Variants in COQ6 observed in about 807,000 individuals in gnomAD.
COQ6 encodes ubiquinone biosynthesis monooxygenase COQ6, mitochondrial.
In COQ6, 45 loss-of-function variants were observed where a neutral mutation model predicts 55.5. The ratio of observed to expected loss-of-function variants is 0.81; its 90% CI spans 0.64 to 1.04. The LOEUF (loss-of-function observed/expected upper bound fraction) is 1.04. COQ6 is among the 50% of genes least tolerant of loss of function. The probability of loss-of-function intolerance (pLI) is 0.00; values close to 1 mark genes in which losing one functional copy is unlikely to be tolerated. For missense variants in COQ6, 550 were observed against 601.3 expected (o/e 0.91, Z 0.89); for synonymous variants, 206 against 230.5 (o/e 0.89, Z 0.96).
At chr14:73,954,500 T>C (rs995926688) in intron 2 of COQ6, among the ~76,000 whole-genome samples, 1 of 152,110 alleles carries the variant, frequency 6.6e-6, no homozygotes, top group Admixed American at 6.6e-5. Flanking sequence ...TTTTTAAAAA[T>C]TGTCTTTACG....
intron 11 of COQ6, among the ~76,000 whole-genome samples, chr14:73,962,394 G>A (rs2056784755): frequency 6.6e-6 from 1 of 152,170 alleles, no homozygotes. Flanking sequence ...TGTATAAAAA[G>A]GGCTTAAAAA....
At chr14:73,953,813 C>T (rs1283938457) in intron 2 of COQ6, 2 of 582,912 alleles carry the variant, frequency 3.4e-6, no homozygotes, top group Non-Finnish European at 6.1e-6. Flanking sequence ...ATGTTGACTT[C>T]ACTTGTGATG....
chr14:73,958,371 A>C lies in COQ6; in HGVS notation c.612+94A>C, dbSNP rs764525253. ...TGGTTTTCGATTTAAGCTATAGTTT[A>C]ATTTTAGGCAAAACTTTTGGTTATG... On this transcript the variant is annotated intron_variant, in intron 5 of 11. Transcript: ENST00000334571. 3 of 1,591,412 alleles carry C rather than the reference A, an allele frequency of 1.9e-6. No homozygotes were observed. In the South Asian group the frequency reaches 3.4e-5, roughly 18 times the overall value.
At chr14:73,951,893 G>A (rs540004834) in intron 1 of COQ6, among the ~76,000 whole-genome samples, 1 of 145,348 alleles carries the variant, frequency 6.9e-6, no homozygotes, top group Non-Finnish European at 1.5e-5. Context: ...CAGGAGAATC[G>A]CTTGAAACTG....
At chr14:73,951,850 G>A (rs1166314202) in intron 1 of COQ6, among the ~76,000 whole-genome samples, 1 of 150,850 alleles carries the variant, frequency 6.6e-6, no homozygotes, top group Non-Finnish European at 1.5e-5. Flanking sequence ...TTCTGTAACA[G>A]GGTGGTTCTC....
chr14:73,957,163 TCTC>T (rs2056477518), intron 4 of COQ6, among the ~76,000 whole-genome samples: 1 of 151,874 alleles, frequency 6.6e-6, no homozygotes, highest in South Asian at 2.1e-4. Context: ...AGTGGCACAG[TCTC>T]GGCTCACTGC....
intron 4 of COQ6, chr14:73,956,785 A>C (rs1207496732): frequency 6.6e-6 from 1 of 152,186 alleles, no homozygotes; most frequent in Non-Finnish European, 1.5e-5. Context: ...AAATATCTTA[A>C]TGTTCTAGAG....
intron 3 of COQ6, 81 bp from the exon 4 acceptor site, chr14:73,955,724 A>C (rs2056401309): frequency 6.3e-7 from 1 of 1,598,342 alleles, no homozygotes; most frequent in South Asian, 1.1e-5. Context: ...CTGCTCTGTC[A>C]CTTGGGAAAG....
At chr14:73,953,291 T>C (rs2056270933) in intron 1 of COQ6, 144 bp from the exon 2 acceptor site, 3 of 764,588 alleles carry the variant, frequency 3.9e-6, no homozygotes, top group Non-Finnish European at 6.7e-6. Flanking sequence ...TGTTATTGCT[T>C]AGGACTCTGC....
At chr14:73,960,918 G>A (rs758255624) in intron 8 of COQ6, 6 of 578,606 alleles carry the variant, frequency 1.0e-5, no homozygotes, top group Non-Finnish European at 1.6e-5. Context: ...GTTATTGAGG[G>A]TGGGGACTAG....
intron 8 of COQ6, chr14:73,960,664 T>G (rs1170204911): frequency 5.5e-5 from 51 of 931,464 alleles, no homozygotes; most frequent in Non-Finnish European, 6.5e-5. Context: ...TTTCAGGAAG[T>G]TCATAGTCAA....
At chr14:73,958,364 A>G in intron 5 of COQ6, 87 bp downstream of exon 5, 1 of 1,599,148 alleles carries the variant, frequency 6.3e-7, no homozygotes, top group Non-Finnish European at 8.5e-7. Context: ...GATTTAAGCT[A>G]TAGTTTAATT....
intron 8 of COQ6, chr14:73,960,964 T>G: frequency 1.5e-6 from 1 of 669,052 alleles, no homozygotes; most frequent in Non-Finnish European, 2.6e-6. Context: ...AGGGGCCAGC[T>G]CATGTACAGT....
chr14:73,962,038 C>G, intron 11 of COQ6, 135 bp downstream of exon 11: 1 of 1,038,378 alleles, frequency 9.6e-7, no homozygotes, highest in Non-Finnish European at 1.4e-6. Context: ...GCCTCTGCCT[C>G]CCAGGTTCAA....
intron 2 of COQ6, among the ~76,000 whole-genome samples, chr14:73,954,464 T>C (rs925183442): frequency 1.3e-5 from 2 of 152,150 alleles, no homozygotes; most frequent in African/African-American, 4.8e-5. Flanking sequence ...GGTTTCAAGT[T>C]ACTAGAAATC....
At chr14:73,957,136 C>T (rs1445796400) in intron 4 of COQ6, among the ~76,000 whole-genome samples, 5 of 150,316 alleles carry the variant, frequency 3.3e-5, no homozygotes, top group African/African-American at 9.8e-5. Context: ...CTCGCTCTGT[C>T]GCCCAGGCTG....
chr14:73,950,424 C>G lies in COQ6; in HGVS notation c.92C>G (p.Ser31Ter), dbSNP rs778721414. The change falls in exon 1 of 12, where the codon TCA (serine) becomes TGA (stop). Residue 31 changes from serine (S) to a stop codon, truncating the protein, a stop_gained. Coordinates refer to ENST00000334571, the MANE Select transcript of COQ6 (RefSeq NM_182476.3). LOFTEE classifies it high-confidence loss of function. ...LVSWRRWSGA[S>*]TDTVYDVVVS... ...TCCTGGCGCAGGTGGTCCGGCGCCT[C>G]AACAGACACCGTGTATGACGTGGTG... 6.2e-7 allele frequency: 1 copy of G among 1,605,218 alleles called. No homozygotes were observed. The highest frequency in any genetic ancestry group is 8.5e-7 in the Non-Finnish European group (1 of 1,176,114).
rs1167313814 is a variant in COQ6 at position 73,950,579 on chromosome 14, C to A, written c.163+84C>A. ...GCCGTGAGAGCCCTAGCACGACTTG[C>A]CCAAAGACAATTTCTCAGGTCTCGC... On this transcript the variant is annotated intron_variant, in intron 1 of 11. Coordinates refer to ENST00000334571, the MANE Select transcript of COQ6 (RefSeq NM_182476.3). The A allele has an allele frequency of 2.0e-6, 3 of 1,501,250 alleles. No individual in the cohort carries two copies. In the Admixed American group the frequency reaches 6.6e-5, roughly 33 times the overall value. 93.0% of individuals were successfully genotyped at this position (1,501,250 alleles called of 1,614,324 possible).
chr14:73,954,936 C>CTT (rs35787543), intron 2 of COQ6, among the ~76,000 whole-genome samples: 26 of 126,176 alleles, frequency 2.1e-4, no homozygotes, highest in African/African-American at 4.4e-4. Flanking sequence ...GAAGCTGAGT[C>CTT]TTTTTTTTTT....
Sources: allele counts gnomAD v4.1 joint callset (sites outside exome capture counted in the v4.1 genomes callset), GRCh38; gene constraint gnomAD v4.1.1; transcripts MANE v1.5; gene names NCBI Gene and HGNC (gene_info 2026-07-23, HGNC 2026-07-21).